Variants in SMAD5 observed in about 807,000 individuals in gnomAD.
SMAD5 encodes MAD, mothers against decapentaplegic homolog 5.
SMAD5 carries 9 observed loss-of-function variants against 43.1 expected under a neutral mutation model. The observed-to-expected ratio is 0.21, with a 90% confidence interval of 0.13 to 0.36. The LOEUF (loss-of-function observed/expected upper bound fraction) is 0.36, where lower values mean the gene tolerates loss of function less well. SMAD5 is among the 10% of genes least tolerant of loss of function. The pLI, the probability that SMAD5 is intolerant of heterozygous loss-of-function variation, is 1.00. For missense variants in SMAD5, 348 were observed against 574.0 expected, an observed-to-expected ratio of 0.61 and a Z score of 4.02; for synonymous variants, 190 against 192.4, an observed-to-expected ratio of 0.99 and a Z score of 0.10.
At chr5:136,170,576 C>T (rs1239185811) in intron 5 of SMAD5, among the ~76,000 whole-genome samples, 1 of 152,102 alleles carries the variant, frequency 6.6e-6, no homozygotes, top group African/African-American at 2.4e-5. Flanking sequence ...GCTTTTACCT[C>T]CCCATATAAA....
intron 3 of SMAD5, among the ~76,000 whole-genome samples, chr5:136,160,171 T>G (rs928294314): frequency 2.0e-5 from 3 of 152,228 alleles, no homozygotes; most frequent in Non-Finnish European, 4.4e-5. Context: ...TGGTCATATT[T>G]AGAAGACTGA....
intron 1 of SMAD5, among the ~76,000 whole-genome samples, chr5:136,138,418 T>G (rs1752957948): frequency 6.6e-6 from 1 of 152,250 alleles, no homozygotes; most frequent in Admixed American, 6.5e-5. Flanking sequence ...CCCATGTAAT[T>G]GTATCCTGTC....
At chr5:136,165,832 C>A (rs1753990286) in intron 5 of SMAD5, among the ~76,000 whole-genome samples, 2 of 151,780 alleles carry the variant, frequency 1.3e-5, no homozygotes, top group Non-Finnish European at 2.9e-5. Flanking sequence ...CATTGATAGA[C>A]ACTTGGATTG....
intron 5 of SMAD5, among the ~76,000 whole-genome samples, chr5:136,165,810 T>G (rs1753989145): frequency 1.3e-5 from 2 of 151,866 alleles, no homozygotes; most frequent in Non-Finnish European, 2.9e-5. Context: ...AAATTTTGTT[T>G]ATCTATTCAT....
Position 136,166,724 on chromosome 5 carries a change from T to A in SMAD5, c.775+3333T>A, listed in dbSNP as rs534856753. ...CCGTACACAATAAATAGTATTATTTTTCTCCTTTTAAAAATATGGACTGTA... is the reference window on the plus strand; with the variant it reads ...CCGTACACAATAAATAGTATTATTTATCTCCTTTTAAAAATATGGACTGTA... On this transcript the variant is annotated intron_variant, in intron 5 of 7. Transcript: ENST00000545279. Among the ~76,000 whole-genome samples, 3 of 152,346 alleles carry A rather than the reference T, an allele frequency of 2.0e-5. No homozygotes were observed. The South Asian group carries it at 6.2e-4, about 32-fold the overall frequency.
At chr5:136,166,243 G>A (rs901031212) in intron 5 of SMAD5, among the ~76,000 whole-genome samples, 1 of 149,818 alleles carries the variant, frequency 6.7e-6, no homozygotes, top group African/African-American at 2.5e-5. Flanking sequence ...ATGCCACTTT[G>A]GTTTGAGACC....
Position 136,153,847 on chromosome 5 carries a change from A to G in SMAD5, c.87A>G (p.Lys29=). The part of the protein sequence containing the change: ...LGWKQGDEEE[K]WAEKAVDALV... ...GGAAACAAGGTGATGAGGAGGAGAA[A>G]TGGGCAGAAAAGGCAGTTGATGCTT... Residue 29 remains lysine, a synonymous_variant, in exon 3 of 8, where the codon AAA becomes AAG. Coordinates refer to ENST00000545279, the MANE Select transcript of SMAD5 (RefSeq NM_005903.7). 4 of 1,613,834 alleles carry G rather than the reference A, an allele frequency of 2.5e-6. No individual in the cohort carries two copies. Among genetic ancestry groups the G allele is most frequent in the South Asian group, 1.1e-5 (1 of 91,068 alleles).
intron 1 of SMAD5, among the ~76,000 whole-genome samples, chr5:136,141,045 A>G (rs1222245759): frequency 6.6e-6 from 1 of 152,066 alleles, no homozygotes; most frequent in African/African-American, 2.4e-5. Flanking sequence ...TGGATTAGAG[A>G]TTAGGGAAAC....
intron 1 of SMAD5, among the ~76,000 whole-genome samples, chr5:136,145,786 G>A (rs1028304184): frequency 1.3e-5 from 2 of 151,940 alleles, no homozygotes; most frequent in African/African-American, 4.8e-5. Flanking sequence ...AAAAAATGGA[G>A]ATTTTGGGTG....
intron 1 of SMAD5, among the ~76,000 whole-genome samples, chr5:136,143,280 T>A (rs1235848980): frequency 1.3e-5 from 2 of 151,680 alleles, no homozygotes; most frequent in Non-Finnish European, 2.9e-5. Context: ...TTTTTTTTTT[T>A]ATTTAATCAC....
At chr5:136,153,267 A>G (rs1007029915) in intron 2 of SMAD5, among the ~76,000 whole-genome samples, 1 of 152,178 alleles carries the variant, frequency 6.6e-6, no homozygotes, top group Non-Finnish European at 1.5e-5. Flanking sequence ...AAAGTACTTC[A>G]GAATCAAATT....
At chr5:136,176,279 C>A (rs186222326) in intron 7 of SMAD5, among the ~76,000 whole-genome samples, 1 of 151,364 alleles carries the variant, frequency 6.6e-6, no homozygotes, top group Admixed American at 6.6e-5. Context: ...CATGGTGAAA[C>A]CCTGTCTCTA....
Position 136,151,290 on chromosome 5 carries a change from A to G in SMAD5, c.-169-2302A>G, listed in dbSNP as rs1298353060. Reference sequence around the variant, plus strand: ...TTAGGGTAAATGCTATAAAAAATGAACAGGGTCAGGGGATAGAGAATGTTG... The same window carrying G: ...TTAGGGTAAATGCTATAAAAAATGAGCAGGGTCAGGGGATAGAGAATGTTG... On this transcript the variant is annotated intron_variant, in intron 2 of 7. Transcript: ENST00000545279. Among the ~76,000 whole-genome samples, 3 of 152,042 alleles carry G rather than the reference A, an allele frequency of 2.0e-5. 1 individual carries two copies. Among genetic ancestry groups the G allele is most frequent in the South Asian group, 4.1e-4 (2 of 4,828 alleles).
At chr5:136,175,526 C>T (rs1042777114) in intron 7 of SMAD5, among the ~76,000 whole-genome samples, 3 of 152,184 alleles carry the variant, frequency 2.0e-5, no homozygotes, top group African/African-American at 4.8e-5. Flanking sequence ...CATCTACTCT[C>T]TTCACCTGAC....
intron 2 of SMAD5, among the ~76,000 whole-genome samples, chr5:136,150,267 T>C (rs1294057719): frequency 6.6e-6 from 1 of 151,902 alleles, no homozygotes; most frequent in Admixed American, 6.6e-5. Flanking sequence ...CCACCATTTC[T>C]ACTGACAAAG....
chr5:136,165,662 A>ATTTTTTTTTTTT (rs58156387), intron 5 of SMAD5, among the ~76,000 whole-genome samples: 6 of 65,450 alleles, frequency 9.2e-5, no homozygotes, highest in Admixed American at 4.2e-4. Context: ...GAATCATACA[A>ATTTTTTTTTTTT]TTTTTTTTTT....
intron 5 of SMAD5, among the ~76,000 whole-genome samples, chr5:136,165,680 T>A (rs1220223654): frequency 2.1e-4 from 30 of 141,028 alleles, no homozygotes; most frequent in African/African-American, 6.6e-4. Flanking sequence ...TTTTTTTTTT[T>A]TTTTTTTTTT....
In SMAD5 at chr5:136,163,398, G is replaced by A; in HGVS notation, c.775+7G>A. 2 of 1,586,240 alleles carry A rather than the reference G, an allele frequency of 1.3e-6. No homozygotes were observed. The highest frequency in any genetic ancestry group is 1.7e-4 in the Middle Eastern group (1 of 5,960). On this transcript the variant is annotated splice_region_variant and intron_variant, in intron 5 of 7. Coordinates refer to ENST00000545279, the MANE Select transcript of SMAD5 (RefSeq NM_005903.7). ...CCCAGTATATCCAGCAGGGGTAAGAGAAGTACTCACTTCATTTATTTTATA... is the reference window on the plus strand; with the variant it reads ...CCCAGTATATCCAGCAGGGGTAAGAAAAGTACTCACTTCATTTATTTTATA...
chr5:136,154,173 A>T lies in SMAD5; in HGVS notation c.403+10A>T. ...AGAGTGGAGAGTCCAGGTAGGTCTT[A>T]TTCCTGAGAAGAATTTGGAAAAACA... On this transcript the variant is annotated intron_variant, in intron 3 of 7. Coordinates refer to ENST00000545279, the MANE Select transcript of SMAD5 (RefSeq NM_005903.7). The T allele has an allele frequency of 6.8e-7, 1 of 1,469,994 alleles. No individual in the cohort carries two copies. The highest frequency in any genetic ancestry group is 1.5e-5 in the South Asian group (1 of 68,678). The allele number at this position is 1,469,994 out of a possible 1,614,324, so 91.1% of individuals were successfully genotyped here.
Sources: allele counts gnomAD v4.1 joint callset (sites outside exome capture counted in the v4.1 genomes callset), GRCh38; gene constraint gnomAD v4.1.1; transcripts MANE v1.5; gene names NCBI Gene and HGNC (gene_info 2026-07-23, HGNC 2026-07-21).